Variants in NRXN2 observed in about 807,000 individuals in gnomAD.
NRXN2 encodes the protein neurexin-2-beta.
A neutral mutation model predicts 128.8 loss-of-function variants in NRXN2; 29 were observed. The observed-to-expected ratio is 0.23, with a 90% CI of 0.17 to 0.31. The LOEUF is 0.31. Ranked by LOEUF, NRXN2 falls within the 10% of genes least tolerant of loss-of-function variation. The pLI is 1.00. For synonymous variants in NRXN2, 1,098 were observed against 1,075.2 expected, an observed-to-expected ratio of 1.02 and a Z score of -0.41; for missense variants, 1,881 against 2,452.6, an observed-to-expected ratio of 0.77 and a Z score of 4.92.
chr11:64,682,122 T>C (rs1320941948), intron 6 of NRXN2, among the ~76,000 whole-genome samples: 5 of 151,714 alleles, frequency 3.3e-5, no homozygotes, highest in Non-Finnish European at 5.9e-5. Context: ...CCTTGGGGAC[T>C]CCATTCTTGG....
intron 2 of NRXN2, among the ~76,000 whole-genome samples, chr11:64,709,463 A>G (rs1196469166): frequency 6.6e-6 from 1 of 152,096 alleles, no homozygotes; most frequent in Non-Finnish European, 1.5e-5. Flanking sequence ...CCTAGGAAAT[A>G]AGGAACAAAT....
At chr11:64,711,575 T>A (rs538809872) in intron 2 of NRXN2, among the ~76,000 whole-genome samples, 5 of 151,756 alleles carry the variant, frequency 3.3e-5, no homozygotes, top group African/African-American at 1.2e-4. Flanking sequence ...TTGGCCAGAC[T>A]CTCGGCCTCC....
chr11:64,716,057 C>T (rs1018218819), intron 1 of NRXN2, among the ~76,000 whole-genome samples: 1 of 152,152 alleles, frequency 6.6e-6, no homozygotes, highest in African/African-American at 2.4e-5. Context: ...AAGGGACAAC[C>T]CTGTGGCCAG....
intron 2 of NRXN2, among the ~76,000 whole-genome samples, chr11:64,710,914 TCA>T (rs2056825732): frequency 6.6e-6 from 1 of 152,160 alleles, no homozygotes; most frequent in Non-Finnish European, 1.5e-5. Flanking sequence ...ACACAGAATT[TCA>T]CAGTTTAGGA....
Position 64,660,191 on chromosome 11 carries a change from C to A in NRXN2, c.2389+141G>T, listed in dbSNP as rs1266318322. On this transcript the variant is annotated intron_variant, in intron 11 of 22. Transcript: ENST00000265459. This position sits in a 1 kb window ranked among gnomAD's most constrained non-coding sequence, Gnocchi z 5.2. ...GGACAGAGCTCTCAGGGTCTCTGAC[C>A]CAGGCTGGCGCCTCCCCACCTCCAA... 1.0e-5 allele frequency: 9 copies of A among 878,560 alleles called. 1 individual carries two copies. Among genetic ancestry groups the A allele is most frequent in the Non-Finnish European group, 1.5e-5 (8 of 537,218 alleles). 54.4% of individuals were successfully genotyped at this position (878,560 alleles called of 1,614,324 possible).
At chr11:64,642,750 C>T (rs1441935679) in intron 17 of NRXN2, 1 of 1,306,326 alleles carries the variant, frequency 7.7e-7, no homozygotes, top group South Asian at 2.3e-5. Context: ...GGGGCCCAGC[C>T]AGGGCCGGGG....
chr11:64,683,539 T>C (rs2052590345), intron 6 of NRXN2, among the ~76,000 whole-genome samples: 1 of 148,524 alleles, frequency 6.7e-6, no homozygotes, highest in African/African-American at 2.5e-5. Flanking sequence ...AGAATCACTA[T>C]AACCTGGGAG....
intron 9 of NRXN2, chr11:64,661,411 A>C: frequency 7.4e-7 from 1 of 1,360,516 alleles, no homozygotes; most frequent in Non-Finnish European, 9.5e-7. Context: ...CCTCCTCCCC[A>C]CCTCAGCAAG....
intron 7 of NRXN2, chr11:64,676,410 C>A (rs2051326339): frequency 1.2e-5 from 2 of 162,184 alleles, no homozygotes; most frequent in Non-Finnish European, 2.7e-5. Flanking sequence ...CCGCATCTCC[C>A]AAGGCCATGC....
chr11:64,611,178 T>C (rs1050709315), intron 22 of NRXN2, among the ~76,000 whole-genome samples: 11 of 152,188 alleles, frequency 7.2e-5, no homozygotes, highest in Admixed American at 5.2e-4. Context: ...CCTCAGGCAT[T>C]TCCTCTGAGC....
At chr11:64,656,981 C>T (rs1030512179) in intron 11 of NRXN2, among the ~76,000 whole-genome samples, 1 of 151,984 alleles carries the variant, frequency 6.6e-6, no homozygotes, top group African/African-American at 2.4e-5. Flanking sequence ...CTAGTGGTCA[C>T]CCGCAGCCTC....
At position 64,660,956 on chromosome 11, in the gene NRXN2, A is replaced by T. The variant is rs2048945355; in HGVS notation, c.1982T>A (p.Leu661His). 1 of 1,613,776 alleles carries T rather than the reference A, an allele frequency of 6.2e-7. No homozygotes were observed. Among genetic ancestry groups the T allele is most frequent in the South Asian group, 1.1e-5 (1 of 91,080 alleles). The part of the protein sequence containing the change: ...RAGYVGCVRD[L>H]FIDGRSRDLR... The stretch of plus-strand genomic sequence containing the variant: ...GTCTCGGCTACGCCCATCTATGAAG[A>T]GGTCCCGCACACAGCCCACGTAGCC... Residue 661 changes from leucine to histidine, a missense_variant, in exon 10 of 23, where the codon CTC becomes CAC. This residue lies in a region of NRXN2 where 997 missense variants were observed against 1,240.8 expected (regional missense o/e 0.80). Transcript: ENST00000265459. This position sits in a 1 kb window ranked among gnomAD's most constrained non-coding sequence, Gnocchi z 5.2.
At chr11:64,674,035 C>T (rs1435397358) in intron 7 of NRXN2, among the ~76,000 whole-genome samples, 1 of 141,094 alleles carries the variant, frequency 7.1e-6, no homozygotes, top group African/African-American at 2.8e-5. Flanking sequence ...AAGACTCTGT[C>T]TCCAAAAAAA....
At chr11:64,710,569 T>C (rs2056793054) in intron 2 of NRXN2, among the ~76,000 whole-genome samples, 1 of 152,126 alleles carries the variant, frequency 6.6e-6, no homozygotes, top group Non-Finnish European at 1.5e-5. Flanking sequence ...CAGGGACCGG[T>C]TACCCTAACC....
chr11:64,717,296 G>A (rs1454128447), intron 1 of NRXN2, among the ~76,000 whole-genome samples: 2 of 152,166 alleles, frequency 1.3e-5, no homozygotes, highest in Non-Finnish European at 2.9e-5. Flanking sequence ...GGTGACCCTG[G>A]GGTACCTGTC....
Position 64,713,534 on chromosome 11 carries a change from T to C in NRXN2, c.166A>G (p.Ser56Gly), listed in dbSNP as rs1157043042. ...GAASSGELSFSLRTNATRALL... is the reference protein window; with the variant it reads ...GAASSGELSFGLRTNATRALL... ...GCGCGCGTGGCGTTGGTGCGCAGGC[T>C]GAAGCTGAGCTCGCCGCTGCTCGCC... The change falls in exon 2 of 23, where the codon AGC becomes GGC. Residue 56 changes from serine (S) to glycine (G), a missense_variant. By Grantham distance (56) the Ser-to-Gly change is moderately conservative. Around this residue, in one of 7 missense-constraint regions of NRXN2, gnomAD observed 997 missense variants for 1,240.8 expected, o/e 0.80. Coordinates refer to ENST00000265459, the MANE Select transcript of NRXN2 (RefSeq NM_015080.4). The C allele has an allele frequency of 1.3e-6, 2 of 1,484,438 alleles. No homozygotes were observed. Among genetic ancestry groups the C allele is most frequent in the Admixed American group, 2.2e-5 (1 of 45,214 alleles). The allele number at this position is 1,484,438 out of a possible 1,614,324, so 92.0% of individuals were successfully genotyped here.
At chr11:64,722,609 G>A (rs1260094116) in intron 1 of NRXN2, among the ~76,000 whole-genome samples, 1 of 151,670 alleles carries the variant, frequency 6.6e-6, no homozygotes, top group Non-Finnish European at 1.5e-5. Context: ...CAGCTCCTCT[G>A]GCCCGGCGCT....
intron 1 of NRXN2, among the ~76,000 whole-genome samples, chr11:64,722,246 C>T (rs1450618630): frequency 6.6e-6 from 1 of 150,838 alleles, no homozygotes; most frequent in Non-Finnish European, 1.5e-5. Context: ...GCATTCCCAC[C>T]CCAGCAAAGC....
In NRXN2 at chr11:64,648,607, A is replaced by G; in HGVS notation, c.3283+127T>C. On this transcript the variant is annotated intron_variant, in intron 16 of 22. Coordinates refer to ENST00000265459, the MANE Select transcript of NRXN2 (RefSeq NM_015080.4). The surrounding 1 kb of genome is among the most constrained non-coding windows in gnomAD (Gnocchi z 4.1). ...ATCCCTGCCCCAGAACTGTGGGGGC[A>G]AGCTCCCATAAGGCCTGAGAAGGAA... The G allele has an allele frequency of 7.6e-7, 1 of 1,308,418 alleles. No homozygotes were observed. The highest frequency in any genetic ancestry group is 1.1e-6 in the Non-Finnish European group (1 of 911,972). 81.1% of individuals were successfully genotyped at this position (1,308,418 alleles called of 1,614,324 possible). A position where few individuals can be genotyped will look rare whatever the true frequency, so the allele number is the denominator to read the frequency against.
Sources: gnomAD v4.1 joint callset for allele counts (sites outside exome capture counted in the v4.1 genomes callset) on GRCh38, gnomAD v4.1.1 for gene constraint, gnomAD v4.1.1 regional missense constraint, Gnocchi (gnomAD v3.1) non-coding constraint, MANE v1.5 for transcripts, NCBI Gene and HGNC (gene_info 2026-07-23, HGNC 2026-07-21) for gene names.